Variants in PIP4K2A observed in about 807,000 individuals in gnomAD.
PIP4K2A encodes the protein phosphatidylinositol 5-phosphate 4-kinase type-2 alpha.
In PIP4K2A, 14 loss-of-function variants were observed where a neutral mutation model predicts 42.9. That is an observed-to-expected ratio of 0.33 (90% CI 0.22 to 0.51). PIP4K2A has a LOEUF of 0.51. Ranked by LOEUF, PIP4K2A falls within the 20% of genes least tolerant of loss-of-function variation. The probability of loss-of-function intolerance (pLI) is 0.97; values close to 1 mark genes in which losing one functional copy is unlikely to be tolerated. For synonymous variants in PIP4K2A, 192 were observed against 192.2 expected (o/e 1.00, Z 0.01); for missense variants, 434 against 519.8 (o/e 0.83, Z 1.61).
At chr10:22,573,848 C>T (rs1272706430) in intron 4 of PIP4K2A, among the ~76,000 whole-genome samples, 1 of 152,206 alleles carries the variant, frequency 6.6e-6, no homozygotes, top group Non-Finnish European at 1.5e-5. Context: ...GGCAGAGCAA[C>T]CTGGCTGCTA....
intron 7 of PIP4K2A, among the ~76,000 whole-genome samples, chr10:22,545,923 C>T (rs571953088): frequency 1.3e-5 from 2 of 152,264 alleles, no homozygotes; most frequent in Non-Finnish European, 2.9e-5. Context: ...CCAGGCTGGT[C>T]TCAAACACCT....
chr10:22,583,766 A>G (rs1323040409), intron 4 of PIP4K2A, among the ~76,000 whole-genome samples: 2 of 152,256 alleles, frequency 1.3e-5, no homozygotes, highest in African/African-American at 4.8e-5. Flanking sequence ...TAAGGAAAGC[A>G]AGTGTAGCCA....
At chr10:22,580,281 G>A (rs1014893493) in intron 4 of PIP4K2A, among the ~76,000 whole-genome samples, 3 of 152,128 alleles carry the variant, frequency 2.0e-5, no homozygotes, top group Non-Finnish European at 4.4e-5. Context: ...GATCACAACT[G>A]TGAGCACATT....
At chr10:22,696,495 G>C (rs917804867) in intron 1 of PIP4K2A, among the ~76,000 whole-genome samples, 9 of 152,058 alleles carry the variant, frequency 5.9e-5, no homozygotes, top group Admixed American at 5.9e-4. Context: ...TGGCCACTCT[G>C]ATTAAGTAGA....
chr10:22,567,295 G>C (rs1836867737), intron 6 of PIP4K2A, among the ~76,000 whole-genome samples: 1 of 151,974 alleles, frequency 6.6e-6, no homozygotes, highest in Non-Finnish European at 1.5e-5. Context: ...TACTACCTAA[G>C]GTCCAATAAG....
In PIP4K2A at chr10:22,550,726, C is replaced by T; in HGVS notation, c.725G>A (p.Gly242Asp). The T allele has an allele frequency of 6.2e-7, 1 of 1,608,270 alleles. No individual in the cohort carries two copies. The highest frequency in any genetic ancestry group is 8.5e-7 in the Non-Finnish European group (1 of 1,174,674). Residue 242 changes from glycine (G) to aspartate (D), a missense_variant, in exon 7 of 10, where the codon GGC becomes GAC. Gly to Asp is a moderately conservative substitution (Grantham distance 94, BLOSUM62 -1). Coordinates refer to ENST00000376573, the MANE Select transcript of PIP4K2A (RefSeq NM_005028.5). ...TLKDNDFINE[G>D]QKIYIDDNNK... ...GTTGTCATCAATATAAATCTTTTGG[C>T]CCTCATTAATGAAATCATTATCTTT...
At chr10:22,594,427 A>C (rs1837583815) in intron 3 of PIP4K2A, among the ~76,000 whole-genome samples, 1 of 152,186 alleles carries the variant, frequency 6.6e-6, no homozygotes, top group African/African-American at 2.4e-5. Flanking sequence ...ACAGGTTCTC[A>C]CTGTGTTGCC....
intron 1 of PIP4K2A, among the ~76,000 whole-genome samples, chr10:22,615,874 C>T (rs960495845): frequency 2.6e-5 from 4 of 152,072 alleles, no homozygotes; most frequent in Non-Finnish European, 5.9e-5. Flanking sequence ...ATTAGAAATT[C>T]CCCGCCCCAC....
At chr10:22,570,839 TAA>T (rs113918920) in intron 5 of PIP4K2A, among the ~76,000 whole-genome samples, 406 of 145,466 alleles carry the variant, frequency 2.8e-3, no homozygotes, top group Admixed American at 5.9e-3. Flanking sequence ...GTTTGTGATT[TAA>T]AAAAAAAAAA....
At chr10:22,537,444 C>T (rs567213628) in intron 9 of PIP4K2A, among the ~76,000 whole-genome samples, 163 bp from the exon 10 acceptor site, 16 of 152,078 alleles carry the variant, frequency 1.1e-4, no homozygotes, top group Non-Finnish European at 2.1e-4. Flanking sequence ...AATATCTTGG[C>T]GCTCATGGTT....
rs145631729 is a variant in PIP4K2A at position 22,685,813 on chromosome 10, A to G, written c.144+28370T>C. Among the ~76,000 whole-genome samples the G allele has an allele frequency of 8.1e-4, 123 of 152,324 alleles. 4 individuals carry two copies. The highest frequency in any genetic ancestry group is 2.2e-3 in the African/African-American group (91 of 41,580). On this transcript the variant is annotated intron_variant, in intron 1 of 9. Coordinates refer to ENST00000376573, the MANE Select transcript of PIP4K2A (RefSeq NM_005028.5). Reference sequence around the variant, plus strand: ...CTAGTCCTATCACTCGTCTGGTGCCATGCCCCTCACAGCAATGGCAGGCCA... The same window carrying G: ...CTAGTCCTATCACTCGTCTGGTGCCGTGCCCCTCACAGCAATGGCAGGCCA...
intron 1 of PIP4K2A, among the ~76,000 whole-genome samples, chr10:22,659,156 C>T (rs1475953354): frequency 1.3e-5 from 2 of 152,244 alleles, no homozygotes; most frequent in Admixed American, 6.5e-5. Flanking sequence ...TTCTGGCTAA[C>T]ACTTGGATTC....
intron 6 of PIP4K2A, among the ~76,000 whole-genome samples, chr10:22,552,899 T>C (rs1439334778): frequency 6.6e-6 from 1 of 152,024 alleles, no homozygotes; most frequent in African/African-American, 2.4e-5. Context: ...TGGTTTTGTA[T>C]AAATGTGAGA....
chr10:22,645,874 AT>A, intron 1 of PIP4K2A, among the ~76,000 whole-genome samples: 2 of 151,918 alleles, frequency 1.3e-5, no homozygotes, highest in African/African-American at 4.8e-5. Context: ...TAATCTACTT[AT>A]TTATTTGTAT....
intron 4 of PIP4K2A, among the ~76,000 whole-genome samples, chr10:22,591,233 C>T (rs766621362): frequency 2.8e-4 from 43 of 152,224 alleles, no homozygotes; most frequent in Non-Finnish European, 4.7e-4. Context: ...GACAGAAGAA[C>T]CAGTGACAGC....
intron 1 of PIP4K2A, among the ~76,000 whole-genome samples, chr10:22,713,381 C>G (rs1833949602): frequency 6.6e-6 from 1 of 151,944 alleles, no homozygotes; most frequent in South Asian, 2.1e-4. Flanking sequence ...CCGGGACCCC[C>G]GCCTGCTGTC....
In PIP4K2A at chr10:22,629,423, G is replaced by A. The variant is rs374863714; in HGVS notation, c.145-19706C>T. Among the ~76,000 whole-genome samples the A allele has an allele frequency of 3.9e-5, 6 of 152,240 alleles. No homozygotes were observed. In the East Asian group the frequency reaches 7.7e-4, roughly 20 times the overall value. ...TTGGCAGAGGATGCTAGAATGGAATGACAATTTTTATTTCGAGGAAAGCAA... is the reference window on the plus strand; with the variant it reads ...TTGGCAGAGGATGCTAGAATGGAATAACAATTTTTATTTCGAGGAAAGCAA... On this transcript the variant is annotated intron_variant, in intron 1 of 9. Coordinates refer to ENST00000376573, the MANE Select transcript of PIP4K2A (RefSeq NM_005028.5).
chr10:22,629,394 G>A (rs1003208607), intron 1 of PIP4K2A, among the ~76,000 whole-genome samples: 1 of 152,104 alleles, frequency 6.6e-6, no homozygotes, highest in Non-Finnish European at 1.5e-5. Context: ...GAGTCATACT[G>A]CAATTGGCAG....
chr10:22,697,757 TACACACACAC>T (rs151301073), intron 1 of PIP4K2A, among the ~76,000 whole-genome samples: 1 of 150,720 alleles, frequency 6.6e-6, no homozygotes. Flanking sequence ...AACACACACA[TACACACACAC>T]ACACAAACAC....
Sources: gnomAD v4.1 joint callset for allele counts (sites outside exome capture counted in the v4.1 genomes callset) on GRCh38, gnomAD v4.1.1 for gene constraint, MANE v1.5 for transcripts, NCBI Gene and HGNC (gene_info 2026-07-23, HGNC 2026-07-21) for gene names.